Variants in NLN observed in about 807,000 individuals in gnomAD.
The protein encoded by NLN is neurolysin, also known as neurolysin, mitochondrial.
A neutral mutation model predicts 79.9 loss-of-function variants in NLN; 64 were observed. That is an observed-to-expected ratio of 0.80 (90% CI 0.65 to 0.99). The LOEUF is 0.99. Among genes scored for constraint, NLN ranks in the 50% least tolerant of loss-of-function variants. The pLI is 0.00. For synonymous variants in NLN, 267 were observed against 296.6 expected, an observed-to-expected ratio of 0.90 and a Z score of 1.02; for missense variants, 835 against 858.7, an observed-to-expected ratio of 0.97 and a Z score of 0.34.
chr5:65,748,235 C>T (rs16894283), intron 1 of NLN, among the ~76,000 whole-genome samples: 2,274 of 151,758 alleles, frequency 0.015, 40 homozygotes, highest in Admixed American at 0.049. Flanking sequence ...TCATCCAGGT[C>T]GAAGGGTTGA....
At chr5:65,766,513 G>A (rs252643) in intron 3 of NLN, among the ~76,000 whole-genome samples, 34,164 of 151,964 alleles carry the variant, frequency 0.22, 4,508 homozygotes, top group South Asian at 0.36. Flanking sequence ...CTTGACATGC[G>A]GAAATTACAA....
At chr5:65,807,659 C>G (rs774015968) in intron 9 of NLN, among the ~76,000 whole-genome samples, 1 of 152,050 alleles carries the variant, frequency 6.6e-6, no homozygotes, top group Non-Finnish European at 1.5e-5. Flanking sequence ...CAGGCTGGCT[C>G]GAACTCCTGA....
intron 9 of NLN, among the ~76,000 whole-genome samples, chr5:65,806,652 C>T (rs1351052081): frequency 6.6e-6 from 1 of 152,092 alleles, no homozygotes; most frequent in Non-Finnish European, 1.5e-5. Flanking sequence ...CAATCTACTC[C>T]TGGTGAAGAT....
Position 65,788,213 on chromosome 5 carries a change from T to A in NLN, c.1054T>A (p.Tyr352Asn). The change falls in exon 8 of 13, where the codon TAT becomes AAT. Residue 352 changes from tyrosine (Y) to asparagine (N), a missense_variant. By Grantham distance (143) the Tyr-to-Asn change is moderately radical. Coordinates refer to ENST00000380985, the MANE Select transcript of NLN (RefSeq NM_020726.5). The stretch of plus-strand genomic sequence containing the variant: ...GGAATGCAAAGACAGGGGTTTTGAA[T>A]ATGATGGGAAAATCAATGCCTGGGA... ...KKECKDRGFE[Y>N]DGKINAWDLY... The A allele has an allele frequency of 6.2e-7, 1 of 1,614,186 alleles. No individual in the cohort carries two copies. Among genetic ancestry groups the A allele is most frequent in the Non-Finnish European group, 8.5e-7 (1 of 1,180,008 alleles).
chr5:65,741,607 C>T (rs1425389972), intron 1 of NLN, among the ~76,000 whole-genome samples: 1 of 152,092 alleles, frequency 6.6e-6, no homozygotes, highest in Non-Finnish European at 1.5e-5. Context: ...CTAAGGACTT[C>T]AATTGTGAAA....
At chr5:65,748,062 G>A (rs368145989) in intron 1 of NLN, among the ~76,000 whole-genome samples, 4 of 152,186 alleles carry the variant, frequency 2.6e-5, no homozygotes, top group East Asian at 1.9e-4. Flanking sequence ...TTAGCTGGGC[G>A]TAGTGGCACA....
intron 1 of NLN, among the ~76,000 whole-genome samples, chr5:65,724,441 T>G (rs1199278417): frequency 1.3e-5 from 2 of 152,238 alleles, no homozygotes; most frequent in East Asian, 3.8e-4. Context: ...TAAAACTGAA[T>G]AATATTTCAT....
intron 6 of NLN, among the ~76,000 whole-genome samples, chr5:65,781,984 A>G (rs1206080232): frequency 2.6e-5 from 4 of 152,272 alleles, no homozygotes; most frequent in East Asian, 3.9e-4. Flanking sequence ...ACCCTCCCCC[A>G]ACACTCCCAG....
At chr5:65,813,204 C>A (rs1400388224) in intron 12 of NLN, among the ~76,000 whole-genome samples, 1 of 152,086 alleles carries the variant, frequency 6.6e-6, no homozygotes, top group Non-Finnish European at 1.5e-5. Flanking sequence ...CCATTCCCTC[C>A]CCATCTTCCT....
At chr5:65,729,094 T>A (rs943929716) in intron 1 of NLN, among the ~76,000 whole-genome samples, 2 of 152,208 alleles carry the variant, frequency 1.3e-5, no homozygotes, top group African/African-American at 2.4e-5. Flanking sequence ...TCTGCCCGCC[T>A]CAACCTTCCA....
rs761722243 is a variant in NLN at position 65,731,742 on chromosome 5, CTTTTTTTTTTTTTTT to C, written c.41+9340_41+9354del. On this transcript the variant is annotated intron_variant, in intron 1 of 12. Coordinates refer to ENST00000380985, the MANE Select transcript of NLN (RefSeq NM_020726.5). ...GTATTTTAAAAATCACCTACATTTTCTTTTTTTTTTTTTTTTTTTTTTTTTTCAGACAGAGTCTAG... is the reference window on the plus strand; with the variant it reads ...GTATTTTAAAAATCACCTACATTTTCTTTTTTTTTTTCAGACAGAGTCTAG... Among the ~76,000 whole-genome samples the C allele has an allele frequency of 2.4e-4, 15 of 62,014 alleles. No individual in the cohort carries two copies. In the South Asian group the frequency reaches 6.0e-3, roughly 25 times the overall value. The allele number at this position is 62,014 out of a possible 152,430, so 40.7% of individuals were successfully genotyped here.
intron 9 of NLN, among the ~76,000 whole-genome samples, chr5:65,806,601 T>C: frequency 6.6e-6 from 1 of 152,180 alleles, no homozygotes. Flanking sequence ...GATGAGGAGT[T>C]GCTTCTTAAG....
chr5:65,821,936 C>G (rs1760809793), intron 12 of NLN, among the ~76,000 whole-genome samples: 1 of 152,140 alleles, frequency 6.6e-6, no homozygotes, highest in South Asian at 2.1e-4. Flanking sequence ...TCTAGCTCTT[C>G]TTGTACTAAG....
At chr5:65,775,594 C>T (rs988021178) in intron 3 of NLN, among the ~76,000 whole-genome samples, 3 of 152,226 alleles carry the variant, frequency 2.0e-5, no homozygotes. Flanking sequence ...TGTTGCTGTG[C>T]TTCACACTAC....
At chr5:65,814,757 A>G (rs1760630690) in intron 12 of NLN, among the ~76,000 whole-genome samples, 1 of 152,194 alleles carries the variant, frequency 6.6e-6, no homozygotes, top group Non-Finnish European at 1.5e-5. Context: ...ACTAGTTTTT[A>G]AAGAAAAAAG....
chr5:65,812,816 C>T (rs930189251), intron 12 of NLN, among the ~76,000 whole-genome samples: 8 of 152,234 alleles, frequency 5.3e-5, no homozygotes, highest in South Asian at 2.1e-4. Flanking sequence ...CTGTGGGAGA[C>T]GCCCTTTTTC....
At chr5:65,763,869 C>G (rs913060883) in intron 3 of NLN, among the ~76,000 whole-genome samples, 22 of 152,012 alleles carry the variant, frequency 1.4e-4, no homozygotes, top group African/African-American at 4.8e-4. Context: ...AAATGTATAT[C>G]CTATTTTCTC....
chr5:65,756,211 A>G (rs1419378612), intron 1 of NLN, among the ~76,000 whole-genome samples: 1 of 152,126 alleles, frequency 6.6e-6, no homozygotes, highest in African/African-American at 2.4e-5. Context: ...CTCACTCTGC[A>G]AACTCCCTTG....
intron 12 of NLN, among the ~76,000 whole-genome samples, chr5:65,815,128 G>C (rs997117177): frequency 2.6e-5 from 4 of 152,246 alleles, no homozygotes; most frequent in South Asian, 4.1e-4. Context: ...TCATTGGTGA[G>C]GCTTCCTGGC....
Sources: gnomAD v4.1 joint callset for allele counts (sites outside exome capture counted in the v4.1 genomes callset) on GRCh38, gnomAD v4.1.1 for gene constraint, MANE v1.5 for transcripts, NCBI Gene and HGNC (gene_info 2026-07-23, HGNC 2026-07-21) for gene names.